TANK: variants seen among roughly 807,000 people sequenced by gnomAD.
TANK encodes the protein TRAF family member associated NFKB activator.
Under a neutral mutation model 43.6 loss-of-function variants are expected in TANK, and 15 were observed. That is an observed-to-expected ratio of 0.34 (90% CI 0.23 to 0.53). The LOEUF (loss-of-function observed/expected upper bound fraction) is 0.53. Ranked by LOEUF, TANK falls within the 20% of genes least tolerant of loss-of-function variation. The pLI is 0.94. For missense variants in TANK, 417 were observed against 498.6 expected, an observed-to-expected ratio of 0.84 and a Z score of 1.56; for synonymous variants, 162 against 178.2, an observed-to-expected ratio of 0.91 and a Z score of 0.73.
At chr2:161,178,464 CAAA>C (rs77666160) in intron 1 of TANK, among the ~76,000 whole-genome samples, 1 of 116,130 alleles carries the variant, frequency 8.6e-6, no homozygotes, top group Non-Finnish European at 1.9e-5. Context: ...TTCGTAGAGA[CAAA>C]AAAAAAAAAA....
chr2:161,146,989 G>A lies in TANK; in HGVS notation c.-50+9926G>A, dbSNP rs982657163. Among the ~76,000 whole-genome samples, 16 of 152,262 alleles carry A rather than the reference G, an allele frequency of 1.1e-4. No individual in the cohort carries two copies. The East Asian group carries it at 1.2e-3, about 11-fold the overall frequency. ...CTCCCCCTAGGGGCTCAGCCCCAGG[G>A]GGATCAGAGTTCTGTCCCTGAGTCC... On this transcript the variant is annotated intron_variant, in intron 1 of 7. Coordinates refer to the TANK transcript ENST00000259075.
intron 1 of TANK, chr2:161,162,934 T>A (rs1021047644): frequency 3.9e-5 from 6 of 152,208 alleles, no homozygotes; most frequent in Non-Finnish European, 5.9e-5. Flanking sequence ...CATAGGTACT[T>A]TTCATCTTTG....
At chr2:161,210,533 C>G (rs1294268000) in intron 4 of TANK, among the ~76,000 whole-genome samples, 1 of 151,880 alleles carries the variant, frequency 6.6e-6, no homozygotes, top group Non-Finnish European at 1.5e-5. Context: ...CCCGTCTCTA[C>G]TAAAAATACA....
intron 4 of TANK, chr2:161,216,589 C>CAA: frequency 2.5e-5 from 4 of 161,274 alleles, no homozygotes; most frequent in South Asian, 1.2e-4. Context: ...TCTTTCTTGG[C>CAA]CAAAAAAAAA....
chr2:161,167,880 T>G (rs972069383), intron 1 of TANK, among the ~76,000 whole-genome samples: 1 of 152,062 alleles, frequency 6.6e-6, no homozygotes, highest in African/African-American at 2.4e-5. Flanking sequence ...CGCCTCGGCC[T>G]CCCAGAGTGC....
At chr2:161,161,598 C>T in intron 1 of TANK, 1 of 1,055,390 alleles carries the variant, frequency 9.5e-7, no homozygotes, top group Non-Finnish European at 1.3e-6. Context: ...ATTTTGCTTT[C>T]TTATGAAAAT....
At chr2:161,140,853 T>C (rs1181468571) in intron 1 of TANK, among the ~76,000 whole-genome samples, 1 of 152,026 alleles carries the variant, frequency 6.6e-6, no homozygotes, top group East Asian at 1.9e-4. Flanking sequence ...TAAAACCATT[T>C]TAGATTTAGA....
At chr2:161,199,241 AC>A (rs1230637914) in intron 2 of TANK, among the ~76,000 whole-genome samples, 1 of 151,622 alleles carries the variant, frequency 6.6e-6, no homozygotes, top group Non-Finnish European at 1.5e-5. Flanking sequence ...TTGAATTGGG[AC>A]TATTTCTTTT....
chr2:161,183,022 G>A (rs1426626720), intron 2 of TANK, among the ~76,000 whole-genome samples: 1 of 152,120 alleles, frequency 6.6e-6, no homozygotes, highest in Non-Finnish European at 1.5e-5. Context: ...TGAGAGTTAC[G>A]AGCTAGGAAC....
intron 1 of TANK, among the ~76,000 whole-genome samples, chr2:161,163,721 G>A (rs1190212993): frequency 6.6e-6 from 1 of 151,956 alleles, no homozygotes; most frequent in Admixed American, 6.6e-5. Context: ...AAAATGAGTG[G>A]GTGAAAAAAT....
At chr2:161,161,843 A>G (rs990796399) in intron 1 of TANK, 14 of 153,816 alleles carry the variant, frequency 9.1e-5, no homozygotes, top group Non-Finnish European at 1.9e-4. Context: ...TTTGTGAAAT[A>G]TATGGCAAAT....
intron 2 of TANK, among the ~76,000 whole-genome samples, chr2:161,187,786 A>T (rs1480116393): frequency 6.6e-6 from 1 of 152,180 alleles, no homozygotes; most frequent in African/African-American, 2.4e-5. Flanking sequence ...TCAAGGGCAT[A>T]TGGAGCATTC....
intron 1 of TANK, among the ~76,000 whole-genome samples, chr2:161,153,687 C>CAA (rs11395042): frequency 0.11 from 8,642 of 75,750 alleles, 695 homozygotes; most frequent in East Asian, 0.37. Context: ...GGCCCTGTCT[C>CAA]AAAAAAAAAA....
At chr2:161,212,666 C>T in intron 4 of TANK, 1 of 985,254 alleles carries the variant, frequency 1.0e-6, no homozygotes, top group Non-Finnish European at 1.2e-6. Context: ...CCTTATTTCC[C>T]CTATCATCCC....
intron 1 of TANK, among the ~76,000 whole-genome samples, chr2:161,147,590 T>C (rs1683952132): frequency 6.6e-6 from 1 of 152,164 alleles, no homozygotes; most frequent in Non-Finnish European, 1.5e-5. Context: ...GGCTCTCAGG[T>C]GGGCCACCGC....
chr2:161,151,209 A>G (rs10175805), intron 1 of TANK, among the ~76,000 whole-genome samples: 16,934 of 152,122 alleles, frequency 0.11, 1,693 homozygotes, highest in African/African-American at 0.26. Context: ...TCTATCCTGG[A>G]GAAGATTTCA....
chr2:161,178,405 A>G (rs186567370), intron 1 of TANK, among the ~76,000 whole-genome samples: 4 of 152,110 alleles, frequency 2.6e-5, no homozygotes, highest in Non-Finnish European at 5.9e-5. Flanking sequence ...AGACACAAAA[A>G]CCATGTATTG....
chr2:161,226,105 T>C (rs76904837), intron 6 of TANK, among the ~76,000 whole-genome samples: 2,084 of 152,284 alleles, frequency 0.014, 49 homozygotes, highest in African/African-American at 0.048. Flanking sequence ...ACATGCTTTT[T>C]TGAACATCAA....
chr2:161,209,901 A>C (rs1686803653), intron 4 of TANK, among the ~76,000 whole-genome samples: 1 of 152,104 alleles, frequency 6.6e-6, no homozygotes, highest in African/African-American at 2.4e-5. Flanking sequence ...TTCAGATTCT[A>C]GGATCCAAAA....
Sources: allele counts gnomAD v4.1 joint callset (sites outside exome capture counted in the v4.1 genomes callset), GRCh38; gene constraint gnomAD v4.1.1; transcripts MANE v1.5; gene names NCBI Gene and HGNC (gene_info 2026-07-23, HGNC 2026-07-21).